The following ANKS1B variants were observed in gnomAD, a reference collection of about 807,000 sequenced individuals.
ANKS1B encodes the protein ankyrin repeat and sterile alpha motif domain-containing protein 1B.
A neutral mutation model predicts 148.3 loss-of-function variants in ANKS1B; 36 were observed. The ratio of observed to expected loss-of-function variants is 0.24; its 90% CI spans 0.19 to 0.32. The LOEUF (loss-of-function observed/expected upper bound fraction) is 0.32. ANKS1B is among the 10% of genes least tolerant of loss of function. ANKS1B has a pLI of 1.00. For missense variants in ANKS1B, 1,157 were observed against 1,542.6 expected (o/e 0.75, Z 4.19); for synonymous variants, 542 against 560.8 (o/e 0.97, Z 0.47).
chr12:98,895,232 C>A (rs1374999027), intron 17 of ANKS1B: 1 of 985,530 alleles, frequency 1.0e-6, no homozygotes, highest in Admixed American at 6.1e-5. Flanking sequence ...GCGCGGGGGC[C>A]TCCTCCTGGC....
downstream of ANKS1B, among the ~76,000 whole-genome samples, chr12:98,740,763 C>T (rs1055576141): frequency 3.3e-5 from 5 of 152,188 alleles, no homozygotes; most frequent in African/African-American, 1.2e-4. Flanking sequence ...CATTTTCCAT[C>T]CTCCTACATA....
At chr12:99,729,665 A>G (rs943444092) in intron 8 of ANKS1B, among the ~76,000 whole-genome samples, 3 of 152,190 alleles carry the variant, frequency 2.0e-5, no homozygotes, top group Admixed American at 2.0e-4. Flanking sequence ...CTGTACTTAC[A>G]AAGTATGGGT....
intron 15 of ANKS1B, among the ~76,000 whole-genome samples, chr12:99,140,098 T>C (rs146430749): frequency 4.2e-4 from 64 of 152,314 alleles, no homozygotes; most frequent in Middle Eastern, 3.4e-3. Flanking sequence ...AATGTTATCA[T>C]TGGTAGTTAA....
chr12:98,993,388 C>T (rs1157269268), intron 17 of ANKS1B, among the ~76,000 whole-genome samples: 1 of 152,140 alleles, frequency 6.6e-6, no homozygotes, highest in East Asian at 1.9e-4. Flanking sequence ...AGGCTGGTCT[C>T]CAATTCCTGG....
chr12:98,735,719 G>A (rs10860361), intron 9 of ANKS1B: 326,460 of 620,394 alleles, frequency 0.53, 87,457 homozygotes, highest in Admixed American at 0.6. Context: ...CATGTGCCTG[G>A]CATTGTGGTA....
At chr12:99,196,695 A>G (rs964387929) in intron 14 of ANKS1B, among the ~76,000 whole-genome samples, 2 of 151,716 alleles carry the variant, frequency 1.3e-5, no homozygotes, top group Admixed American at 6.6e-5. Context: ...ACATATGTAT[A>G]CATGTGCCAT....
At chr12:99,298,236 G>C (rs1266399748) in intron 12 of ANKS1B, among the ~76,000 whole-genome samples, 1 of 152,204 alleles carries the variant, frequency 6.6e-6, no homozygotes, top group Admixed American at 6.5e-5. Context: ...TGGGCTGGCT[G>C]TGTCCCCACC....
intron 6 of ANKS1B, among the ~76,000 whole-genome samples, chr12:99,778,293 C>T (rs1010971884): frequency 2.6e-5 from 4 of 151,890 alleles, no homozygotes; most frequent in African/African-American, 7.3e-5. Context: ...GGATCACCTG[C>T]GTTCAGGAGT....
chr12:99,908,893 G>A (rs954405353), intron 1 of ANKS1B, among the ~76,000 whole-genome samples: 2 of 151,960 alleles, frequency 1.3e-5, no homozygotes, highest in South Asian at 2.1e-4. Context: ...TCTAGTATAC[G>A]ATGTGATATC....
chr12:99,081,562 A>G (rs540243801), intron 16 of ANKS1B, among the ~76,000 whole-genome samples: 1 of 152,254 alleles, frequency 6.6e-6, no homozygotes, highest in East Asian at 1.9e-4. Context: ...ACAACATTCT[A>G]TTTGTGCTGC....
At chr12:99,838,125 T>C (rs1014828681) in intron 1 of ANKS1B, among the ~76,000 whole-genome samples, 3 of 152,144 alleles carry the variant, frequency 2.0e-5, no homozygotes, top group African/African-American at 7.2e-5. Flanking sequence ...TACAGCTGTA[T>C]AGTATCCCAT....
chr12:99,377,152 C>G (rs1593419624), intron 12 of ANKS1B, among the ~76,000 whole-genome samples: 1 of 151,786 alleles, frequency 6.6e-6, no homozygotes, highest in Non-Finnish European at 1.5e-5. Flanking sequence ...GGACTACAGT[C>G]GCGCGTGACC....
At chr12:99,494,624 T>A (rs1029344957) in intron 10 of ANKS1B, among the ~76,000 whole-genome samples, 1 of 148,150 alleles carries the variant, frequency 6.7e-6, no homozygotes, top group African/African-American at 2.5e-5. Flanking sequence ...TCCCAGCTAC[T>A]CGGGAGGCTG....
At chr12:99,224,835 C>G (rs965718826) in intron 14 of ANKS1B, among the ~76,000 whole-genome samples, 1 of 152,140 alleles carries the variant, frequency 6.6e-6, no homozygotes, top group Non-Finnish European at 1.5e-5. Flanking sequence ...CTTAAACTTT[C>G]TGACACTGTA....
chr12:99,323,008 C>T (rs571377620), intron 12 of ANKS1B, among the ~76,000 whole-genome samples: 1 of 152,130 alleles, frequency 6.6e-6, no homozygotes, highest in Non-Finnish European at 1.5e-5. Context: ...GTCCACTAAA[C>T]CCCTTTTTCT....
At chr12:99,382,556 T>G (rs73151157) in intron 12 of ANKS1B, among the ~76,000 whole-genome samples, 20,259 of 151,604 alleles carry the variant, frequency 0.13, 1,511 homozygotes, top group African/African-American at 0.2. Flanking sequence ...AAATTAGCCG[T>G]TCATAGTGGC....
At chr12:98,735,294 A>G in exon 10 of ANKS1B, 1 of 399,478 alleles carries the variant, frequency 2.5e-6, no homozygotes, top group Non-Finnish European at 4.4e-6. Context: ...TTTTTTTTAC[A>G]TTATATGTCT....
intron 9 of ANKS1B, among the ~76,000 whole-genome samples, chr12:99,654,837 C>T (rs997314916): frequency 6.6e-6 from 1 of 152,070 alleles, no homozygotes; most frequent in Non-Finnish European, 1.5e-5. Context: ...TGCATTATAA[C>T]CAAACTAAAT....
intron 8 of ANKS1B, among the ~76,000 whole-genome samples, chr12:99,678,052 G>C (rs2098591313): frequency 1.3e-5 from 2 of 152,110 alleles, no homozygotes; most frequent in Non-Finnish European, 2.9e-5. Flanking sequence ...TTCAATAAGG[G>C]AGAATATTTG....
Sources: gnomAD v4.1 joint callset for allele counts (sites outside exome capture counted in the v4.1 genomes callset) on GRCh38, gnomAD v4.1.1 for gene constraint, MANE v1.5 for transcripts, NCBI Gene and HGNC (gene_info 2026-07-23, HGNC 2026-07-21) for gene names.